TBPL1: variants seen among roughly 807,000 people sequenced by gnomAD.
The protein encoded by TBPL1 is TATA box-binding protein-like 1.
In TBPL1, 4 loss-of-function variants were observed where a neutral mutation model predicts 22.1. That is an observed-to-expected ratio of 0.18 (90% CI 0.09 to 0.41). The LOEUF (loss-of-function observed/expected upper bound fraction) is 0.41. Among genes scored for constraint, TBPL1 ranks in the 10% least tolerant of loss-of-function variants. The pLI is 1.00. For synonymous variants in TBPL1, 64 were observed against 71.0 expected (o/e 0.90, Z 0.50); for missense variants, 115 against 222.3 (o/e 0.52, Z 3.07).
chr6:133,978,018 G>A (rs1776343902), intron 1 of TBPL1, among the ~76,000 whole-genome samples: 1 of 152,116 alleles, frequency 6.6e-6, no homozygotes, highest in South Asian at 2.1e-4. Context: ...GTGGCCAGTT[G>A]GCTATACCAG....
intron 1 of TBPL1, among the ~76,000 whole-genome samples, chr6:133,974,962 T>C (rs1776288629): frequency 6.6e-6 from 1 of 152,140 alleles, no homozygotes; most frequent in Admixed American, 6.6e-5. Flanking sequence ...CCTAAGACAC[T>C]GGGTTATAAT....
intron 1 of TBPL1, among the ~76,000 whole-genome samples, chr6:133,963,225 A>C (rs996220277): frequency 6.6e-6 from 1 of 152,148 alleles, no homozygotes; most frequent in Non-Finnish European, 1.5e-5. Flanking sequence ...AGCCCTTTTT[A>C]AGGATTTATG....
At chr6:133,970,386 G>A (rs953250485) in intron 1 of TBPL1, among the ~76,000 whole-genome samples, 10 of 152,112 alleles carry the variant, frequency 6.6e-5, no homozygotes, top group Non-Finnish European at 8.8e-5. Context: ...ACTCTCTTTG[G>A]TCTGGACATT....
In TBPL1 at chr6:133,980,256, T is replaced by C. The variant is rs17849302; in HGVS notation, c.131T>C (p.Val44Ala). 2 of 1,604,130 alleles carry C rather than the reference T, an allele frequency of 1.2e-6. No homozygotes were observed. The part of the protein sequence containing the change: ...EGANVIYKRD[V>A]GKVLMKLRKP... ...GCAAATGTAATTTATAAACGTGATG[T>C]TGGAGTAAGTATCTGAGTTTTCGTA... Residue 44 changes from valine (V) to alanine (A), a missense_variant, in exon 2 of 7, where the codon GTT (valine) becomes GCT (alanine). By Grantham distance (64) the Val-to-Ala change is moderately conservative (BLOSUM62 0). Transcript: ENST00000237264.
intron 6 of TBPL1, 59 bp downstream of exon 6, chr6:133,984,730 C>A: frequency 2.9e-6 from 4 of 1,368,766 alleles, no homozygotes; most frequent in Non-Finnish European, 4.1e-6. Flanking sequence ...ACAAGATGCT[C>A]ATACCAAGAT....
intron 1 of TBPL1, among the ~76,000 whole-genome samples, chr6:133,979,385 G>T (rs77663199): frequency 6.6e-6 from 1 of 152,136 alleles, no homozygotes; most frequent in Admixed American, 6.5e-5. Context: ...CATGAGAAGG[G>T]TTATATGCCA....
rs552464712 is a variant in TBPL1, at chr6:133,981,172, C to T, written c.135+912C>T. 3.3e-3 allele frequency among the ~76,000 whole-genome samples: 496 copies of T among 152,078 alleles called. 1 individual carries two copies. The highest frequency in any genetic ancestry group is 0.01 in the African/African-American group (421 of 41,476). On this transcript the variant is annotated intron_variant, in intron 2 of 6. Coordinates refer to ENST00000237264, the MANE Select transcript of TBPL1 (RefSeq NM_004865.4). The stretch of plus-strand genomic sequence containing the variant: ...ATTTTTAGTAGAGACGGGGTTTCAC[C>T]GTGTTGGCCAGGATGGTCTCAATCT...
chr6:133,974,625 A>C (rs967428809), intron 1 of TBPL1, among the ~76,000 whole-genome samples: 1 of 152,206 alleles, frequency 6.6e-6, no homozygotes, highest in African/African-American at 2.4e-5. Flanking sequence ...CCGTGCCCAG[A>C]CGAGTTCAGT....
chr6:133,983,229 G>T (rs1012535083), intron 4 of TBPL1, among the ~76,000 whole-genome samples: 2 of 152,228 alleles, frequency 1.3e-5, no homozygotes, highest in Non-Finnish European at 2.9e-5. Flanking sequence ...GGTGAATAGA[G>T]AATGGCAGAG....
chr6:133,959,790 GTTCT>G lies in TBPL1; in HGVS notation c.-45+6370_-45+6373del, dbSNP rs373494218. Among the ~76,000 whole-genome samples, 28 of 152,280 alleles carry G rather than the reference GTTCT, an allele frequency of 1.8e-4. No homozygotes were observed. The East Asian group carries it at 4.5e-3, about 24-fold the overall frequency. On this transcript the variant is annotated intron_variant, in intron 1 of 6. Transcript: ENST00000237264. ...GAGCCATTGCACCTGGCCACCTAGT[GTTCT>G]TTCTATCACACTCTTTTTCAGGGAC...
intron 1 of TBPL1, among the ~76,000 whole-genome samples, chr6:133,956,666 G>T (rs1294515931): frequency 6.6e-6 from 1 of 152,206 alleles, no homozygotes; most frequent in East Asian, 1.9e-4. Context: ...AGCTTAGCTA[G>T]TGGATGAAGG....
chr6:133,958,833 CCTT>C (rs1236832048), intron 1 of TBPL1, among the ~76,000 whole-genome samples: 2 of 151,904 alleles, frequency 1.3e-5, no homozygotes, highest in Non-Finnish European at 2.9e-5. Context: ...TGTTATAATT[CCTT>C]CTTCCATGTT....
At chr6:133,966,097 A>AGTGTGTGTGCAT (rs1443453827) in intron 1 of TBPL1, among the ~76,000 whole-genome samples, 1 of 151,946 alleles carries the variant, frequency 6.6e-6, no homozygotes, top group Non-Finnish European at 1.5e-5. Flanking sequence ...ACAGAGAGAG[A>AGTGTGTGTGCAT]GTGTGTGTGC....
intron 2 of TBPL1, 52 bp from the exon 3 acceptor site, chr6:133,982,516 C>A (rs1042677281): frequency 2.0e-6 from 3 of 1,525,864 alleles, no homozygotes; most frequent in African/African-American, 1.4e-5. Context: ...TAGAACAGAA[C>A]CTTATGTGAA....
chr6:133,972,847 T>G (rs1776248271), intron 1 of TBPL1, among the ~76,000 whole-genome samples: 4 of 152,204 alleles, frequency 2.6e-5, no homozygotes, highest in Admixed American at 6.5e-5. Flanking sequence ...ATACTTGGCA[T>G]GGATAATAAT....
intron 6 of TBPL1, among the ~76,000 whole-genome samples, chr6:133,985,717 T>C (rs1479368787): frequency 6.6e-6 from 1 of 152,150 alleles, no homozygotes; most frequent in Non-Finnish European, 1.5e-5. Flanking sequence ...CTTTCTTCAA[T>C]CCACAGAGGA....
chr6:133,985,775 A>G (rs1222041411), intron 6 of TBPL1: 2 of 152,126 alleles, frequency 1.3e-5, no homozygotes, highest in African/African-American at 2.4e-5. Flanking sequence ...GACTCATCCC[A>G]TGGGTTTTTC....
At chr6:133,954,031 G>A (rs867100778) in intron 1 of TBPL1, among the ~76,000 whole-genome samples, 4 of 152,322 alleles carry the variant, frequency 2.6e-5, no homozygotes, top group Admixed American at 6.5e-5. Context: ...GCTAAGCAGG[G>A]ATGAGAGTCG....
At chr6:133,967,516 C>T (rs1043330343) in intron 1 of TBPL1, among the ~76,000 whole-genome samples, 1 of 152,116 alleles carries the variant, frequency 6.6e-6, no homozygotes, top group East Asian at 1.9e-4. Flanking sequence ...TTTGTCATCA[C>T]GTGAACATCA....
Sources: gnomAD v4.1 joint callset for allele counts (sites outside exome capture counted in the v4.1 genomes callset) on GRCh38, gnomAD v4.1.1 for gene constraint, MANE v1.5 for transcripts, NCBI Gene and HGNC (gene_info 2026-07-23, HGNC 2026-07-21) for gene names.